The following FER1L6 variants were observed in gnomAD, a reference collection of about 807,000 sequenced individuals.
FER1L6 encodes the protein fer-1 like family member 6.
Under a neutral mutation model 219.2 loss-of-function variants are expected in FER1L6, and 177 were observed. The ratio of observed to expected loss-of-function variants is 0.81; its 90% CI spans 0.71 to 0.91. The LOEUF is 0.91. Ranked by LOEUF, FER1L6 falls within the 40% of genes least tolerant of loss-of-function variation. The pLI is 0.00. For synonymous variants in FER1L6, 768 were observed against 824.3 expected, an observed-to-expected ratio of 0.93 and a Z score of 1.17; for missense variants, 2,153 against 2,259.9, an observed-to-expected ratio of 0.95 and a Z score of 0.96.
chr8:123,869,684 C>T (rs1029646007), intron 1 of FER1L6, among the ~76,000 whole-genome samples: 14 of 152,254 alleles, frequency 9.2e-5, no homozygotes, highest in African/African-American at 3.4e-4. Flanking sequence ...TAGATATTGA[C>T]AAGTAATTCT....
intron 1 of FER1L6, among the ~76,000 whole-genome samples, chr8:123,886,490 C>T (rs1817205512): frequency 6.6e-6 from 1 of 152,168 alleles, no homozygotes; most frequent in Admixed American, 6.5e-5. Context: ...TGACCCAGCA[C>T]AAAAGCCATC....
At chr8:123,984,383 C>T (rs191777875) in intron 11 of FER1L6, 38 of 152,182 alleles carry the variant, frequency 2.5e-4, no homozygotes, top group Non-Finnish European at 4.9e-4. Flanking sequence ...CCTACATTCC[C>T]TCCAGGTCTC....
At position 123,980,371 on chromosome 8, in the gene FER1L6, G is replaced by A. The variant is rs191263217; in HGVS notation, c.1064-94G>A. The stretch of plus-strand genomic sequence containing the variant: ...GGATATCCTGTCAATATTTTCTTTC[G>A]TCTTTCTTGGATATTCTACATTTTG... On this transcript the variant is annotated intron_variant, in intron 10 of 40. Transcript: ENST00000522917. The A allele has an allele frequency of 6.1e-4, 627 of 1,026,482 alleles. 2 individuals are homozygous for A. The highest frequency in any genetic ancestry group is 2.8e-3 in the Admixed American group (106 of 38,010). The allele number at this position is 1,026,482 out of a possible 1,614,324, so 63.6% of individuals were successfully genotyped here.
intron 3 of FER1L6, among the ~76,000 whole-genome samples, chr8:123,964,279 T>C (rs1407443668): frequency 6.6e-6 from 1 of 152,218 alleles, no homozygotes; most frequent in Non-Finnish European, 1.5e-5. Flanking sequence ...ACCATATTTG[T>C]TTATGTCAAT....
chr8:123,924,955 G>C (rs1349727569), intron 1 of FER1L6: 2 of 152,170 alleles, frequency 1.3e-5, no homozygotes, highest in Non-Finnish European at 2.9e-5. Context: ...ATTTATCTAA[G>C]ATAAACTTGT....
chr8:123,913,586 G>T (rs2129779218), intron 1 of FER1L6, among the ~76,000 whole-genome samples: 1 of 152,092 alleles, frequency 6.6e-6, no homozygotes, highest in East Asian at 1.9e-4. Context: ...CTGTGTTTTT[G>T]TTTTTCTCTC....
intron 20 of FER1L6, among the ~76,000 whole-genome samples, chr8:124,044,933 A>G (rs775491497): frequency 2.0e-5 from 3 of 152,214 alleles, no homozygotes; most frequent in Non-Finnish European, 4.4e-5. Flanking sequence ...TCTGAGGGCA[A>G]TTATGCAGAT....
At chr8:124,108,008 T>C (rs938116501) in intron 39 of FER1L6, among the ~76,000 whole-genome samples, 8 of 152,192 alleles carry the variant, frequency 5.3e-5, no homozygotes, top group African/African-American at 1.9e-4. Flanking sequence ...TCAGTAATAA[T>C]GAGAGGGGTG....
intron 35 of FER1L6, among the ~76,000 whole-genome samples, chr8:124,095,398 A>AAACTT (rs1822238590): frequency 2.0e-5 from 3 of 152,220 alleles, no homozygotes. Flanking sequence ...GACATTTGAA[A>AAACTT]AACTTAACCC....
chr8:123,912,158 T>C (rs147811626), intron 1 of FER1L6, among the ~76,000 whole-genome samples: 164 of 152,256 alleles, frequency 1.1e-3, no homozygotes, highest in East Asian at 6.4e-3. Context: ...CTTTATGAAA[T>C]GCTCATCACA....
chr8:124,071,472 T>G lies in FER1L6; in HGVS notation c.3967-34T>G, dbSNP rs746465797. On this transcript the variant is annotated intron_variant, in intron 30 of 40. Coordinates refer to ENST00000522917, the MANE Select transcript of FER1L6 (RefSeq NM_001039112.2). ...TGGGTTTTGGTGGGACATATGACCA[T>G]CTCATTTCAATGGGTTGCGTTTTGT... The G allele has an allele frequency of 1.9e-5, 30 of 1,612,602 alleles. No individual in the cohort carries two copies. The Admixed American group carries it at 3.3e-4, about 18-fold the overall frequency.
chr8:124,100,097 G>A (rs1822487101), intron 37 of FER1L6, among the ~76,000 whole-genome samples: 1 of 152,152 alleles, frequency 6.6e-6, no homozygotes, highest in African/African-American at 2.4e-5. Context: ...CCCATACCCT[G>A]AGTGGTGACA....
Position 124,064,432 on chromosome 8 carries a change from T to C in FER1L6, c.3414T>C (p.Asp1138=). ...CCCCAGCAGATCACATTTATGTGGATGTTGAGCCACCTCCCACAGTGGTGC... is the reference window on the plus strand; with the variant it reads ...CCCCAGCAGATCACATTTATGTGGACGTTGAGCCACCTCCCACAGTGGTGC... ...QDPPADHIYV[D]VEPPPTVVPD... Residue 1138 remains aspartate (D), a synonymous_variant, in exon 26 of 41, where the codon GAT becomes GAC. Transcript: ENST00000522917. 1 of 1,613,992 alleles carries C rather than the reference T, an allele frequency of 6.2e-7. No individual in the cohort carries two copies. Among genetic ancestry groups the C allele is most frequent in the South Asian group, 1.1e-5 (1 of 91,050 alleles).
chr8:124,021,363 T>C (rs1217746338), intron 16 of FER1L6, among the ~76,000 whole-genome samples, 187 bp from the exon 17 acceptor site: 1 of 152,066 alleles, frequency 6.6e-6, no homozygotes, highest in Non-Finnish European at 1.5e-5. Context: ...TGAGATGATA[T>C]TACAGCCTCC....
chr8:124,111,327 G>A lies in FER1L6; in HGVS notation c.5290-7517G>A, dbSNP rs569054348. 6.6e-6 allele frequency among the ~76,000 whole-genome samples: 1 copy of A among 152,258 alleles called. No homozygotes were observed. The highest frequency in any genetic ancestry group is 2.1e-4 in the South Asian group (1 of 4,822). ...TCTTCATGCATACCAGTGGCCCATGGTCAGAGCCTTGGCTGAGCAGCGTGG... is the reference window on the plus strand; with the variant it reads ...TCTTCATGCATACCAGTGGCCCATGATCAGAGCCTTGGCTGAGCAGCGTGG... On this transcript the variant is annotated intron_variant, in intron 39 of 40. Transcript: ENST00000522917. This position sits in a 1 kb window ranked among gnomAD's most constrained non-coding sequence, Gnocchi z 5.0.
intron 26 of FER1L6, 67 bp from the exon 27 acceptor site, chr8:124,066,361 C>A: frequency 1.2e-5 from 19 of 1,564,208 alleles, no homozygotes; most frequent in Non-Finnish European, 1.6e-5. Context: ...TCCTCACAAG[C>A]CAGTTGACCA....
intron 11 of FER1L6, among the ~76,000 whole-genome samples, chr8:123,981,172 G>A (rs183321626): frequency 3.2e-4 from 48 of 152,226 alleles, no homozygotes; most frequent in Admixed American, 6.5e-4. Flanking sequence ...AGTAAGCTCC[G>A]GATGGGAGAT....
chr8:123,917,958 T>C (rs1407425623), intron 1 of FER1L6, among the ~76,000 whole-genome samples: 1 of 152,228 alleles, frequency 6.6e-6, no homozygotes, highest in Non-Finnish European at 1.5e-5. Context: ...TTCTTGCATT[T>C]TCCCCTTGAA....
intron 1 of FER1L6, among the ~76,000 whole-genome samples, chr8:123,904,865 T>G (rs1049203354): frequency 6.6e-6 from 1 of 152,232 alleles, no homozygotes; most frequent in Non-Finnish European, 1.5e-5. Flanking sequence ...AAGAGTCAGT[T>G]GTTAAACATT....
Sources: gnomAD v4.1 joint callset for allele counts (sites outside exome capture counted in the v4.1 genomes callset) on GRCh38, gnomAD v4.1.1 for gene constraint, Gnocchi (gnomAD v3.1) non-coding constraint, MANE v1.5 for transcripts, NCBI Gene and HGNC (gene_info 2026-07-23, HGNC 2026-07-21) for gene names.